Variants in XKR6 observed in about 807,000 individuals in gnomAD.
The protein encoded by XKR6 is XK-related protein 6.
XKR6 carries 22 observed loss-of-function variants against 56.7 expected under a neutral mutation model. The ratio of observed to expected loss-of-function variants is 0.39; its 90% CI spans 0.28 to 0.55. The LOEUF is 0.55. XKR6 is among the 20% of genes least tolerant of loss of function. XKR6 has a pLI of 0.66. For missense variants in XKR6, 852 were observed against 889.0 expected, an observed-to-expected ratio of 0.96 and a Z score of 0.53; for synonymous variants, 524 against 387.8, an observed-to-expected ratio of 1.35 and a Z score of -4.13.
chr8:10,922,610 T>C (rs79107778), intron 2 of XKR6, among the ~76,000 whole-genome samples: 9,510 of 152,282 alleles, frequency 0.062, 347 homozygotes, highest in African/African-American at 0.096. Flanking sequence ...ATGTTGTCCA[T>C]GCTCACACCA....
intron 1 of XKR6, among the ~76,000 whole-genome samples, chr8:11,093,217 G>C (rs760781272): frequency 1.3e-5 from 2 of 151,962 alleles, no homozygotes; most frequent in African/African-American, 2.4e-5. Context: ...CACCATGCCC[G>C]GCTAATTTTG....
At chr8:11,147,770 G>C (rs1029013703) in intron 1 of XKR6, among the ~76,000 whole-genome samples, 8 of 152,058 alleles carry the variant, frequency 5.3e-5, no homozygotes, top group African/African-American at 1.9e-4. Context: ...CTAATAGAAA[G>C]GCTGGAATCA....
chr8:11,126,829 C>T (rs953917708), intron 1 of XKR6, among the ~76,000 whole-genome samples: 1 of 152,150 alleles, frequency 6.6e-6, no homozygotes, highest in Non-Finnish European at 1.5e-5. Context: ...GATGTATGTG[C>T]CCCTCCCACA....
At chr8:10,970,037 C>T (rs767949850) in intron 1 of XKR6, among the ~76,000 whole-genome samples, 14 of 152,314 alleles carry the variant, frequency 9.2e-5, no homozygotes, top group Non-Finnish European at 1.3e-4. Context: ...CCCAAATGCT[C>T]GCCACAGATG....
At chr8:10,902,876 C>T (rs956194111) in intron 2 of XKR6, among the ~76,000 whole-genome samples, 1 of 152,192 alleles carries the variant, frequency 6.6e-6, no homozygotes, top group African/African-American at 2.4e-5. Flanking sequence ...GGTCAAAACT[C>T]TTACCCCCAT....
At chr8:10,918,986 A>C (rs1023370888) in intron 2 of XKR6, among the ~76,000 whole-genome samples, 1 of 152,168 alleles carries the variant, frequency 6.6e-6, no homozygotes, top group Non-Finnish European at 1.5e-5. Flanking sequence ...TGTGAAAGAA[A>C]AGGGACCTTC....
intron 1 of XKR6, chr8:11,108,063 G>A (rs909466416): frequency 9.2e-6 from 3 of 325,572 alleles, no homozygotes; most frequent in African/African-American, 4.5e-5. Context: ...AAGTTCCAGT[G>A]AACGATGTAA....
At chr8:11,005,576 A>T (rs1194468651) in intron 1 of XKR6, among the ~76,000 whole-genome samples, 2 of 152,208 alleles carry the variant, frequency 1.3e-5, no homozygotes, top group African/African-American at 4.8e-5. Context: ...TCTGTTATTT[A>T]TAATTTCCCA....
At chr8:11,027,732 TGG>T (rs758159392) in intron 1 of XKR6, among the ~76,000 whole-genome samples, 2 of 152,188 alleles carry the variant, frequency 1.3e-5, no homozygotes, top group Non-Finnish European at 2.9e-5. Flanking sequence ...CCATTACTTG[TGG>T]GTAAGAACAG....
intron 1 of XKR6, among the ~76,000 whole-genome samples, chr8:10,940,128 G>A (rs542431022): frequency 4.1e-4 from 62 of 152,330 alleles, no homozygotes; most frequent in Admixed American, 1.9e-3. Context: ...GTAGCAGAGC[G>A]CCTGGCACAT....
intron 1 of XKR6, among the ~76,000 whole-genome samples, chr8:11,181,138 G>C (rs566438994): frequency 2.1e-4 from 32 of 152,284 alleles, no homozygotes; most frequent in African/African-American, 7.2e-4. Context: ...GAAAGGATGA[G>C]AAATGGTTGG....
intron 1 of XKR6, among the ~76,000 whole-genome samples, chr8:11,047,355 G>A (rs1288333760): frequency 6.6e-6 from 1 of 152,176 alleles, no homozygotes; most frequent in African/African-American, 2.4e-5. Flanking sequence ...GATATGTTAA[G>A]AATATTTTAT....
At chr8:11,070,659 T>A (rs1342477586) in intron 1 of XKR6, among the ~76,000 whole-genome samples, 1 of 152,198 alleles carries the variant, frequency 6.6e-6, no homozygotes, top group African/African-American at 2.4e-5. Flanking sequence ...AATGTAATGA[T>A]TCCTCACATT....
intron 1 of XKR6, among the ~76,000 whole-genome samples, chr8:10,995,624 G>C (rs1459823455): frequency 6.7e-6 from 1 of 149,886 alleles, no homozygotes; most frequent in African/African-American, 2.5e-5. Context: ...GGAGGTTGAG[G>C]CTGCAGTAAA....
intron 1 of XKR6, among the ~76,000 whole-genome samples, chr8:11,162,486 T>C (rs1447115485): frequency 6.6e-6 from 1 of 152,090 alleles, no homozygotes; most frequent in African/African-American, 2.4e-5. Context: ...AACAAAAAAC[T>C]CTCTTTTTTA....
At chr8:11,098,048 T>C (rs557399196) in intron 1 of XKR6, among the ~76,000 whole-genome samples, 127 of 152,230 alleles carry the variant, frequency 8.3e-4, no homozygotes, top group Non-Finnish European at 1.5e-3. Flanking sequence ...GCATACACTG[T>C]TGTGAAAGTT....
rs528255690 is a variant in XKR6, at chr8:11,001,820, C to T, written c.765-76990G>A. 1.4e-3 allele frequency among the ~76,000 whole-genome samples: 217 copies of T among 152,302 alleles called. 1 individual carries two copies. The highest frequency in any genetic ancestry group is 1.6e-3 in the Non-Finnish European group (106 of 68,008). The stretch of plus-strand genomic sequence containing the variant: ...AGCAGCCCAGGCCAGCAGCTCACTG[C>T]CGGTCAGGGGCAAGCGGCACTGTGC... On this transcript the variant is annotated intron_variant, in intron 1 of 2. Coordinates refer to ENST00000416569, the MANE Select transcript of XKR6 (RefSeq NM_173683.4).
At chr8:11,194,598 T>C (rs1803766448) in intron 1 of XKR6, 1 of 152,384 alleles carries the variant, frequency 6.6e-6, no homozygotes, top group African/African-American at 2.4e-5. Context: ...AGACAGCACG[T>C]TGTAAAGCAA....
intron 1 of XKR6, among the ~76,000 whole-genome samples, chr8:10,948,794 T>C (rs1801628718): frequency 1.3e-5 from 2 of 152,212 alleles, no homozygotes. Context: ...AGCCCCATTC[T>C]GGGGAGACGT....
Sources: gnomAD v4.1 joint callset for allele counts (sites outside exome capture counted in the v4.1 genomes callset) on GRCh38, gnomAD v4.1.1 for gene constraint, MANE v1.5 for transcripts, NCBI Gene and HGNC (gene_info 2026-07-23, HGNC 2026-07-21) for gene names.